Variants in LAMA3 observed in about 807,000 individuals in gnomAD.
LAMA3 encodes the protein laminin subunit alpha 3, also known as laminin subunit alpha-3.
In LAMA3, 281 loss-of-function variants were observed where a neutral mutation model predicts 402.0. The ratio of observed to expected loss-of-function variants is 0.70; its 90% CI spans 0.63 to 0.77. The LOEUF is 0.77. LAMA3 is among the 30% of genes least tolerant of loss of function. The pLI is 0.00. For missense variants in LAMA3, 3,840 were observed against 4,215.5 expected (o/e 0.91, Z 2.47); for synonymous variants, 1,431 against 1,558.4 (o/e 0.92, Z 1.93).
chr18:23,778,071 G>A (rs1296348761), intron 11 of LAMA3, among the ~76,000 whole-genome samples: 1 of 152,130 alleles, frequency 6.6e-6, no homozygotes, highest in African/African-American at 2.4e-5. Context: ...AATGCTTCTG[G>A]GGCATTCACC....
Position 23,950,155 on chromosome 18 carries a change from G to C in LAMA3, c.9638G>C (p.Gly3213Ala). The C allele has an allele frequency of 1.9e-6, 3 of 1,614,096 alleles. No individual in the cohort carries two copies. The highest frequency in any genetic ancestry group is 2.5e-6 in the Non-Finnish European group (3 of 1,179,986). ...GKHLCVYLEAGKVTASMDSGA... is the reference protein window; with the variant it reads ...GKHLCVYLEAAKVTASMDSGA... The stretch of plus-strand genomic sequence containing the variant: ...CACTTATGTGTTTACCTGGAGGCAG[G>C]AAAGGTGTGTAGCAGTCTGATGCCA... Residue 3213 changes from glycine (G) to alanine (A), a missense_variant, in exon 72 of 75, where the codon GGA becomes GCA. Coordinates refer to ENST00000313654, the MANE Select transcript of LAMA3 (RefSeq NM_198129.4).
In LAMA3 at chr18:23,894,363, C is replaced by G. The variant is rs375875470; in HGVS notation, c.5461+15C>G. ...AGAATGTGATGGTGAGAAAAGAAAG[C>G]CCCTCCTCCTCCTTTCCAAGTTGTG... On this transcript the variant is annotated intron_variant, in intron 43 of 74. Coordinates refer to ENST00000313654, the MANE Select transcript of LAMA3 (RefSeq NM_198129.4). The G allele has an allele frequency of 8.1e-6, 13 of 1,607,928 alleles. No individual in the cohort carries two copies. Among genetic ancestry groups the G allele is most frequent in the African/African-American group, 1.3e-5 (1 of 74,896 alleles).
chr18:23,913,711 A>G (rs1560281), intron 56 of LAMA3, among the ~76,000 whole-genome samples: 72,354 of 152,062 alleles, frequency 0.48, 19,297 homozygotes, highest in Non-Finnish European at 0.62. Context: ...ATGCTTCAAG[A>G]GGTTGGCATT....
At chr18:23,951,881 T>C in intron 73 of LAMA3, 104 bp downstream of exon 73, 2 of 866,976 alleles carry the variant, frequency 2.3e-6, no homozygotes, top group Non-Finnish European at 3.8e-6. Flanking sequence ...CCACAGTGCC[T>C]GACCAGGGCC....
intron 72 of LAMA3, 30 bp downstream of exon 72, chr18:23,950,189 G>T (rs886763109): frequency 6.2e-7 from 1 of 1,613,414 alleles, no homozygotes; most frequent in Non-Finnish European, 8.5e-7. Context: ...CATGGGGAGG[G>T]TCTGTAGAAA....
chr18:23,871,221 A>C (rs2064507625), intron 37 of LAMA3, among the ~76,000 whole-genome samples: 1 of 151,834 alleles, frequency 6.6e-6, no homozygotes, highest in Admixed American at 6.6e-5. Context: ...CCCTGCCTTC[A>C]TTTTTTTTCC....
At chr18:23,773,227 C>A (rs2062239529) in intron 8 of LAMA3, among the ~76,000 whole-genome samples, 1 of 152,210 alleles carries the variant, frequency 6.6e-6, no homozygotes, top group South Asian at 2.1e-4. Flanking sequence ...AAAGCAAATT[C>A]TTCGATCAAG....
chr18:23,826,667 A>G, intron 21 of LAMA3, 35 bp from the exon 22 acceptor site: 1 of 1,424,078 alleles, frequency 7.0e-7, no homozygotes, highest in South Asian at 1.2e-5. Context: ...CTACCATCAA[A>G]ATGAATGATT....
intron 5 of LAMA3, among the ~76,000 whole-genome samples, chr18:23,753,328 A>G (rs1395709725): frequency 6.6e-6 from 1 of 152,242 alleles, no homozygotes; most frequent in Non-Finnish European, 1.5e-5. Flanking sequence ...TTTTTGGTAT[A>G]AAAATTTAGT....
chr18:23,916,604 T>C lies in LAMA3; in HGVS notation c.7832T>C (p.Val2611Ala). 6.2e-7 allele frequency: 1 copy of C among 1,614,070 alleles called. No individual in the cohort carries two copies. Among genetic ancestry groups the C allele is most frequent in the Non-Finnish European group, 8.5e-7 (1 of 1,179,970 alleles). The change falls in exon 60 of 75, where the codon GTT becomes GCT. Residue 2611 changes from valine to alanine, a missense_variant. By Grantham distance (64) the Val-to-Ala change is moderately conservative. Transcript: ENST00000313654. ...NYFEGTGYAR[V>A]PTQPHAPIPT... ...TTTGAAGGTACGGGCTATGCTCGAGTTCCAACTCAACCACATGCTCCCATC... is the reference window on the plus strand; with the variant it reads ...TTTGAAGGTACGGGCTATGCTCGAGCTCCAACTCAACCACATGCTCCCATC...
chr18:23,738,256 G>C (rs951873332), intron 2 of LAMA3, among the ~76,000 whole-genome samples: 27 of 151,808 alleles, frequency 1.8e-4, no homozygotes, highest in Admixed American at 1.5e-3. Context: ...TCTTTGGGAT[G>C]GGAGAGACAC....
intron 31 of LAMA3, among the ~76,000 whole-genome samples, chr18:23,846,923 G>C (rs2063828901): frequency 6.6e-6 from 1 of 152,204 alleles, no homozygotes; most frequent in Non-Finnish European, 1.5e-5. Flanking sequence ...TCATGTGGCA[G>C]TGCTACTCAC....
chr18:23,949,717 T>A, intron 70 of LAMA3, 48 bp from the exon 71 acceptor site: 2 of 1,602,160 alleles, frequency 1.2e-6, no homozygotes, highest in Non-Finnish European at 1.7e-6. Flanking sequence ...ACCCATGCCT[T>A]TCTTGGAGGT....
chr18:23,714,267 C>A lies in LAMA3; in HGVS notation c.447+195C>A, dbSNP rs184551471. On this transcript the variant is annotated intron_variant, in intron 2 of 74. Transcript: ENST00000313654. ...AGGCACAGTGGCTCATGCCTGTAAT[C>A]CCAGCACTTTGGGACGCCGAGGTGG... Among the ~76,000 whole-genome samples the A allele has an allele frequency of 6.1e-4, 93 of 152,294 alleles. 1 individual carries two copies. In the Middle Eastern group the frequency reaches 0.01, roughly 17 times the overall value.
At chr18:23,724,201 G>T (rs1432381074) in intron 2 of LAMA3, among the ~76,000 whole-genome samples, 2 of 152,168 alleles carry the variant, frequency 1.3e-5, no homozygotes, top group East Asian at 3.8e-4. Context: ...TGCTACGAAT[G>T]CTATTAATTC....
chr18:23,737,697 C>A (rs925447171), intron 2 of LAMA3, among the ~76,000 whole-genome samples: 1 of 152,228 alleles, frequency 6.6e-6, no homozygotes, highest in Non-Finnish European at 1.5e-5. Flanking sequence ...AGGTTACCGG[C>A]CCTGCCCTGG....
rs529066482 is a variant in LAMA3 at position 23,701,898 on chromosome 18, C to T, written c.294+11921C>T. Reference sequence around the variant, plus strand: ...AGCCTTGGAGTGATTGAGAAACAGCCAGAGAGTCAGTGTGGGTCAAATGGA... The same window carrying T: ...AGCCTTGGAGTGATTGAGAAACAGCTAGAGAGTCAGTGTGGGTCAAATGGA... On this transcript the variant is annotated intron_variant, in intron 1 of 74. Coordinates refer to ENST00000313654, the MANE Select transcript of LAMA3 (RefSeq NM_198129.4). Among the ~76,000 whole-genome samples the T allele has an allele frequency of 9.9e-5, 15 of 152,226 alleles. No individual in the cohort carries two copies. The South Asian group carries it at 1.9e-3, about 19-fold the overall frequency.
intron 37 of LAMA3, among the ~76,000 whole-genome samples, chr18:23,870,153 A>G (rs1317586964): frequency 6.6e-6 from 1 of 152,130 alleles, no homozygotes; most frequent in African/African-American, 2.4e-5. Context: ...AAATACAAAA[A>G]TTAGCCAGGT....
intron 34 of LAMA3, among the ~76,000 whole-genome samples, 171 bp from the exon 35 acceptor site, chr18:23,861,475 G>A (rs577096769): frequency 1.3e-5 from 2 of 152,286 alleles, no homozygotes; most frequent in East Asian, 3.9e-4. Context: ...AGTGGCAATG[G>A]GTCAGACGGG....
Sources: allele counts gnomAD v4.1 joint callset (sites outside exome capture counted in the v4.1 genomes callset), GRCh38; gene constraint gnomAD v4.1.1; transcripts MANE v1.5; gene names NCBI Gene and HGNC (gene_info 2026-07-23, HGNC 2026-07-21).